FLYWCH1: variants seen among roughly 807,000 people sequenced by gnomAD.
FLYWCH1 encodes FLYWCH-type zinc finger 1.
A neutral mutation model predicts 66.4 loss-of-function variants in FLYWCH1; 75 were observed. The ratio of observed to expected loss-of-function variants is 1.13; its 90% CI spans 0.94 to 1.37. The LOEUF is 1.37. FLYWCH1 is among the 40% of genes most tolerant of loss of function. The pLI, the probability that FLYWCH1 is intolerant of heterozygous loss-of-function variation, is 0.00. For synonymous variants in FLYWCH1, 595 were observed against 429.9 expected, an observed-to-expected ratio of 1.38 and a Z score of -4.75; for missense variants, 1,334 against 1,001.8, an observed-to-expected ratio of 1.33 and a Z score of -4.48.
At chr16:2,939,898 C>A in intron 8 of FLYWCH1, 134 bp from the exon 9 acceptor site, 2 of 1,003,718 alleles carry the variant, frequency 2.0e-6, no homozygotes, top group Non-Finnish European at 2.8e-6. Flanking sequence ...GCGTTGAATT[C>A]CCAGCGTTGC....
chr16:2,912,339 C>CG (rs1259390115), intron 1 of FLYWCH1, among the ~76,000 whole-genome samples, 185 bp downstream of exon 1: 15 of 150,780 alleles, frequency 9.9e-5, no homozygotes, highest in Non-Finnish European at 1.5e-5. Flanking sequence ...TCCATCCCCA[C>CG]CCCCCCGTCC....
chr16:2,942,906 T>G (rs2071331611), intron 9 of FLYWCH1, among the ~76,000 whole-genome samples: 1 of 151,760 alleles, frequency 6.6e-6, no homozygotes, highest in Non-Finnish European at 1.5e-5. Flanking sequence ...TTCGCTATGT[T>G]GGCTAGGCTG....
At chr16:2,936,797 G>A (rs760605446) in intron 6 of FLYWCH1, 369 of 548,278 alleles carry the variant, frequency 6.7e-4, no homozygotes, top group Non-Finnish European at 1.1e-3. Context: ...CAGGCACGGC[G>A]CACCCTGCAT....
chr16:2,948,716 G>A lies in FLYWCH1; in HGVS notation c.2140G>A (p.Glu714Lys), dbSNP rs758482793. ...CATCAAAGACGTCAGACTGGATGGCGAGTCCCAGTGAGGCGATGTGGGCAG... is the reference window on the plus strand; with the variant it reads ...CATCAAAGACGTCAGACTGGATGGCAAGTCCCAGTGAGGCGATGTGGGCAG... ...GDIKDVRLDG[E>K]SQ The change falls in exon 10 of 10, where the codon GAG (glutamate) becomes AAG (lysine). Residue 714 changes from glutamate (E) to lysine (K), a missense_variant. Physicochemically the swap from Glu to Lys is moderately conservative, Grantham distance 56. Coordinates refer to ENST00000253928, the MANE Select transcript of FLYWCH1 (RefSeq NM_001308068.2). 1.5e-5 allele frequency: 24 copies of A among 1,613,756 alleles called. No homozygotes were observed. Among genetic ancestry groups the A allele is most frequent in the South Asian group, 4.4e-5 (4 of 91,078 alleles).
intron 9 of FLYWCH1, among the ~76,000 whole-genome samples, chr16:2,946,727 A>C (rs1200029936): frequency 6.6e-6 from 1 of 152,212 alleles, no homozygotes; most frequent in African/African-American, 2.4e-5. Context: ...GAATTCAAAG[A>C]TATACAAATG....
chr16:2,925,402 T>C (rs2070522696), intron 2 of FLYWCH1, among the ~76,000 whole-genome samples: 1 of 152,064 alleles, frequency 6.6e-6, no homozygotes, highest in Admixed American at 6.5e-5. Flanking sequence ...TCATCCTTCC[T>C]GGTTTAGCCT....
chr16:2,948,024 G>C (rs1220179986), intron 9 of FLYWCH1, among the ~76,000 whole-genome samples: 1 of 152,012 alleles, frequency 6.6e-6, no homozygotes, highest in Non-Finnish European at 1.5e-5. Flanking sequence ...CTGGGTGACA[G>C]AGTGACACCA....
Position 2,933,547 on chromosome 16 carries a change from C to CATT in FLYWCH1, c.1214_1215insATT (p.Ala405_Pro406insPhe). On this transcript the variant is annotated inframe_insertion, in exon 5 of 10. Transcript: ENST00000253928. ...CAGGAGCTGCCAACCCAGCCCGAGG[C>CATT]CCCAGACGAGCACCAGGACATGGAC... 3.7e-6 allele frequency: 6 copies of CATT among 1,605,788 alleles called. No individual in the cohort carries two copies. The highest frequency in any genetic ancestry group is 5.1e-6 in the Non-Finnish European group (6 of 1,175,964).
Position 2,943,885 on chromosome 16 carries a change from C to G in FLYWCH1, c.2111+3793C>G, listed in dbSNP as rs148143252. ...CCGGGAGGTGGAGGTTGCAGTGAGC[C>G]AAGATCACGACATTGCACTCCAGCC... is the stretch of plus-strand genomic sequence containing the variant. On this transcript the variant is annotated intron_variant, in intron 9 of 9. Transcript: ENST00000253928. 1.3e-3 allele frequency among the ~76,000 whole-genome samples: 193 copies of G among 151,928 alleles called. No homozygotes were observed. In the East Asian group the frequency reaches 0.031, roughly 24 times the overall value.
chr16:2,921,117 A>G (rs1364499041), intron 2 of FLYWCH1, among the ~76,000 whole-genome samples: 1 of 152,190 alleles, frequency 6.6e-6, no homozygotes, highest in African/African-American at 2.4e-5. Context: ...CTGGGATTAC[A>G]GGCGTGAGCC....
Position 2,933,870 on chromosome 16 carries a change from C to T in FLYWCH1, c.1404C>T (p.Gly468=). 1.3e-6 allele frequency: 2 copies of T among 1,599,524 alleles called. No homozygotes were observed. The highest frequency in any genetic ancestry group is 1.3e-5 in the African/African-American group (1 of 74,686). Residue 468 remains glycine, a synonymous_variant, in exon 6 of 10, where the codon GGC becomes GGT. Coordinates refer to ENST00000253928, the MANE Select transcript of FLYWCH1 (RefSeq NM_001308068.2). ...GCCGCAGCCGCGCCATCACCCAGGG[C>T]CGACGGGTGACTGTCATGCGTGGTC... The part of the protein sequence containing the change: ...MGCRSRAITQ[G]RRVTVMRGHC...
In FLYWCH1 at chr16:2,929,917, A is replaced by G; in HGVS notation, c.232A>G (p.Ser78Gly). ...LEMAGPATLASTLQILPVEEQ... is the reference protein window; with the variant it reads ...LEMAGPATLAGTLQILPVEEQ... The stretch of plus-strand genomic sequence containing the variant: ...GATGGCTGGCCCCGCCACCCTCGCC[A>G]GCACCTTGCAGATCCTGCCAGTTGA... Residue 78 changes from serine (S) to glycine (G), a missense_variant, in exon 3 of 10, where the codon AGC (serine) becomes GGC (glycine). Coordinates refer to ENST00000253928, the MANE Select transcript of FLYWCH1 (RefSeq NM_001308068.2). The G allele has an allele frequency of 6.2e-7, 1 of 1,613,696 alleles. No homozygotes were observed. Among genetic ancestry groups the G allele is most frequent in the Non-Finnish European group, 8.5e-7 (1 of 1,179,858 alleles).
chr16:2,925,583 G>A, intron 2 of FLYWCH1, among the ~76,000 whole-genome samples: 1 of 142,236 alleles, frequency 7.0e-6, no homozygotes, highest in South Asian at 2.4e-4. Flanking sequence ...GCGGGGGGAG[G>A]GGGGTACGGG....
chr16:2,931,307 A>C (rs930044976), intron 4 of FLYWCH1, among the ~76,000 whole-genome samples: 1 of 36,724 alleles, frequency 2.7e-5, no homozygotes, highest in Non-Finnish European at 5.8e-5. Context: ...CATCTCAGTA[A>C]AAAAAAAAAA....
At chr16:2,920,037 A>G (rs1567321412) in intron 2 of FLYWCH1, among the ~76,000 whole-genome samples, 1 of 152,198 alleles carries the variant, frequency 6.6e-6, no homozygotes, top group Non-Finnish European at 1.5e-5. Flanking sequence ...CAAGCGCCTT[A>G]AAGGCATTAG....
chr16:2,916,566 G>C (rs1317991651), intron 2 of FLYWCH1, among the ~76,000 whole-genome samples: 1 of 151,974 alleles, frequency 6.6e-6, no homozygotes, highest in Non-Finnish European at 1.5e-5. Context: ...GAACCCAGGA[G>C]ACAGAGCTTG....
intron 2 of FLYWCH1, among the ~76,000 whole-genome samples, chr16:2,924,388 T>G (rs1450980332): frequency 6.6e-6 from 1 of 151,582 alleles, no homozygotes; most frequent in Non-Finnish European, 1.5e-5. Context: ...TTGCCAAGCA[T>G]ATCAGCTATT....
intron 9 of FLYWCH1, among the ~76,000 whole-genome samples, chr16:2,945,274 T>C (rs890826543): frequency 6.6e-6 from 1 of 151,616 alleles, no homozygotes; most frequent in African/African-American, 2.4e-5. Flanking sequence ...GATCACGAGG[T>C]CAGGAGATCA....
intron 2 of FLYWCH1, among the ~76,000 whole-genome samples, chr16:2,927,463 C>T (rs1415127343): frequency 6.6e-6 from 1 of 152,156 alleles, no homozygotes; most frequent in Non-Finnish European, 1.5e-5. Flanking sequence ...TCTATGAGAA[C>T]ATTATTAGAT....
Sources: allele counts gnomAD v4.1 joint callset (sites outside exome capture counted in the v4.1 genomes callset), GRCh38; gene constraint gnomAD v4.1.1; transcripts MANE v1.5; gene names NCBI Gene and HGNC (gene_info 2026-07-23, HGNC 2026-07-21).